MEI4: variants seen among roughly 807,000 people sequenced by gnomAD.
MEI4 encodes the protein meiosis-specific protein MEI4.
A neutral mutation model predicts 31.4 loss-of-function variants in MEI4; 27 were observed. The ratio of observed to expected loss-of-function variants is 0.86; its 90% CI spans 0.63 to 1.19. MEI4 has a LOEUF of 1.19. Among genes scored for constraint, MEI4 ranks in the 50% most tolerant of loss-of-function variants. The pLI is 0.00. For synonymous variants in MEI4, 122 were observed against 145.4 expected, an observed-to-expected ratio of 0.84 and a Z score of 1.16; for missense variants, 329 against 398.9, an observed-to-expected ratio of 0.82 and a Z score of 1.49.
intron 4 of MEI4, among the ~76,000 whole-genome samples, chr6:77,868,560 G>A (rs1387433883): frequency 7.9e-6 from 1 of 126,278 alleles, no homozygotes; most frequent in African/African-American, 2.8e-5. Context: ...TTAGAGAAGT[G>A]TCTAGAGAAC....
At chr6:77,837,205 A>C (rs1418599868) in intron 4 of MEI4, among the ~76,000 whole-genome samples, 1 of 152,180 alleles carries the variant, frequency 6.6e-6, no homozygotes, top group Non-Finnish European at 1.5e-5. Context: ...AGACTCTCCA[A>C]GGATAAACTA....
chr6:77,908,635 T>C (rs1397533088), intron 4 of MEI4, among the ~76,000 whole-genome samples: 1 of 152,150 alleles, frequency 6.6e-6, no homozygotes, highest in Non-Finnish European at 1.5e-5. Flanking sequence ...ATGTGGGCTC[T>C]TTTTTGGTTC....
chr6:77,735,000 A>G (rs1455704190), intron 2 of MEI4, among the ~76,000 whole-genome samples: 1 of 151,958 alleles, frequency 6.6e-6, no homozygotes, highest in Non-Finnish European at 1.5e-5. Flanking sequence ...CTGCCGAGAG[A>G]TCCGCTGTTA....
intron 4 of MEI4, among the ~76,000 whole-genome samples, chr6:77,879,486 T>C (rs1771427158): frequency 6.6e-6 from 1 of 152,196 alleles, no homozygotes; most frequent in Admixed American, 6.5e-5. Context: ...AGTTTTTAAA[T>C]GCTCTGTGAG....
chr6:77,701,471 G>A (rs1445052150), intron 2 of MEI4, among the ~76,000 whole-genome samples: 4 of 151,972 alleles, frequency 2.6e-5, no homozygotes, highest in African/African-American at 7.3e-5. Flanking sequence ...TATATTACAC[G>A]GTCATTTGAT....
chr6:77,915,521 T>C (rs185622095), intron 4 of MEI4, among the ~76,000 whole-genome samples: 10 of 152,208 alleles, frequency 6.6e-5, no homozygotes, highest in African/African-American at 2.2e-4. Context: ...TGAGTGTTCA[T>C]TAAAAGTGAC....
At position 77,708,087 on chromosome 6, in the gene MEI4, G is replaced by A. The variant is rs75362731; in HGVS notation, c.232+17184G>A. Among the ~76,000 whole-genome samples, 1,184 of 152,278 alleles carry A rather than the reference G, an allele frequency of 7.8e-3. 18 individuals are homozygous for A. Among genetic ancestry groups the A allele is most frequent in the African/African-American group, 0.027 (1,135 of 41,572 alleles). On this transcript the variant is annotated intron_variant, in intron 2 of 4. Transcript: ENST00000684080. ...ACTGTCTAGTGGAGCTGTGAGAATGGGACTGCCATCCTCCAGATTTGAGAA... is the reference window on the plus strand; with the variant it reads ...ACTGTCTAGTGGAGCTGTGAGAATGAGACTGCCATCCTCCAGATTTGAGAA...
At chr6:77,822,120 C>T (rs1446713618) in intron 3 of MEI4, among the ~76,000 whole-genome samples, 4 of 151,962 alleles carry the variant, frequency 2.6e-5, no homozygotes, top group African/African-American at 4.8e-5. Context: ...TTCTTTCTTA[C>T]GAATTCTGCA....
At chr6:77,890,048 A>G (rs957008931) in intron 4 of MEI4, among the ~76,000 whole-genome samples, 3 of 152,176 alleles carry the variant, frequency 2.0e-5, no homozygotes, top group Non-Finnish European at 4.4e-5. Flanking sequence ...TGAAGAACCT[A>G]TGCTAGCACA....
chr6:77,859,338 G>A (rs150746821), intron 4 of MEI4, among the ~76,000 whole-genome samples: 2 of 152,188 alleles, frequency 1.3e-5, no homozygotes, highest in East Asian at 3.9e-4. Flanking sequence ...ACGTGTGCAT[G>A]TGTCTTTAGA....
intron 3 of MEI4, among the ~76,000 whole-genome samples, chr6:77,823,700 T>A (rs1769880646): frequency 6.6e-6 from 1 of 152,242 alleles, no homozygotes; most frequent in African/African-American, 2.4e-5. Flanking sequence ...CAGAGAGTTA[T>A]TTCTTGGTTT....
At chr6:77,752,374 T>C (rs771653187) in intron 2 of MEI4, among the ~76,000 whole-genome samples, 2 of 151,910 alleles carry the variant, frequency 1.3e-5, no homozygotes, top group Non-Finnish European at 2.9e-5. Flanking sequence ...AAACCCCCAT[T>C]GTCTCAGCTG....
intron 4 of MEI4, among the ~76,000 whole-genome samples, chr6:77,906,680 A>G (rs1317875187): frequency 6.6e-6 from 1 of 152,204 alleles, no homozygotes; most frequent in Non-Finnish European, 1.5e-5. Context: ...CATAGGGCTG[A>G]GGCCTAACAT....
rs1239420302 is a variant in MEI4 at position 77,924,014 on chromosome 6, A to ATATGT, written c.*672_*676dup. The ATATGT allele has an allele frequency of 1.4e-5, 2 of 147,030 alleles. No individual in the cohort carries two copies. The highest frequency in any genetic ancestry group is 5.4e-5 in the African/African-American group (2 of 36,968). The allele number at this position is 147,030 out of a possible 1,614,324, so 9.1% of individuals were successfully genotyped here. ...TACTTGTTTCAATTCTGTTAATTAA[A>ATATGT]TATGTTATAATAGTCTTGTAATTGT... On this transcript the variant is annotated 3_prime_UTR_variant, in exon 5 of 5. Transcript: ENST00000684080.
intron 2 of MEI4, among the ~76,000 whole-genome samples, chr6:77,729,495 A>T (rs1440711109): frequency 6.6e-6 from 1 of 152,200 alleles, no homozygotes; most frequent in Non-Finnish European, 1.5e-5. Flanking sequence ...TCCAAAAAGT[A>T]AGTCAGTCTA....
chr6:77,798,428 T>TA lies in MEI4; in HGVS notation c.769-30496dup, dbSNP rs199728648. 1.7e-3 allele frequency among the ~76,000 whole-genome samples: 262 copies of TA among 151,884 alleles called. 3 individuals carry two copies. In the East Asian group the frequency reaches 0.039, roughly 23 times the overall value. On this transcript the variant is annotated intron_variant, in intron 3 of 4. Coordinates refer to ENST00000684080, the MANE Select transcript of MEI4 (RefSeq NM_001322247.2). Reference sequence around the variant, plus strand: ...TAATTAAAAGAGATTGTCAAATTGGTAAAAAAATAGGTTCCAACTATATGC... The same window carrying TA: ...TAATTAAAAGAGATTGTCAAATTGGTAAAAAAAATAGGTTCCAACTATATGC...
At chr6:77,810,250 G>T (rs1769544063) in intron 3 of MEI4, among the ~76,000 whole-genome samples, 1 of 152,174 alleles carries the variant, frequency 6.6e-6, no homozygotes, top group Non-Finnish European at 1.5e-5. Context: ...CTGGTGCCAA[G>T]TAGGAAAAAT....
At chr6:77,710,968 G>A (rs915286036) in intron 2 of MEI4, among the ~76,000 whole-genome samples, 6 of 152,126 alleles carry the variant, frequency 3.9e-5, no homozygotes, top group African/African-American at 1.2e-4. Context: ...ATTCTCTGAA[G>A]TACACTACAG....
intron 4 of MEI4, among the ~76,000 whole-genome samples, chr6:77,905,582 C>T (rs1192917491): frequency 6.3e-5 from 9 of 142,296 alleles, no homozygotes; most frequent in African/African-American, 1.5e-4. Flanking sequence ...CTGCAACCTC[C>T]GCCTCCCAGG....
Sources: gnomAD v4.1 joint callset for allele counts (sites outside exome capture counted in the v4.1 genomes callset) on GRCh38, gnomAD v4.1.1 for gene constraint, MANE v1.5 for transcripts, NCBI Gene and HGNC (gene_info 2026-07-23, HGNC 2026-07-21) for gene names.